RCAN2: variants seen among roughly 807,000 people sequenced by gnomAD.
The protein encoded by RCAN2 is calcipressin-2.
RCAN2 carries 9 observed loss-of-function variants against 23.6 expected under a neutral mutation model. The ratio of observed to expected loss-of-function variants is 0.38; its 90% CI spans 0.23 to 0.67. RCAN2 has a LOEUF of 0.67. Among genes scored for constraint, RCAN2 ranks in the 30% least tolerant of loss-of-function variants. RCAN2 has a pLI of 0.51. For synonymous variants in RCAN2, 109 were observed against 115.7 expected, an observed-to-expected ratio of 0.94 and a Z score of 0.37; for missense variants, 273 against 302.3, an observed-to-expected ratio of 0.90 and a Z score of 0.72.
chr6:46,299,614 C>G (rs776257089), intron 2 of RCAN2, among the ~76,000 whole-genome samples: 5 of 151,978 alleles, frequency 3.3e-5, no homozygotes, highest in Non-Finnish European at 5.9e-5. Context: ...AGATGAAAAC[C>G]TATCCTGTTA....
intron 2 of RCAN2, among the ~76,000 whole-genome samples, chr6:46,274,502 A>G (rs1016542920): frequency 6.6e-6 from 1 of 152,042 alleles, no homozygotes; most frequent in African/African-American, 2.4e-5. Flanking sequence ...ATAAGGTTGT[A>G]TGCTGATGTA....
At chr6:46,487,856 C>G (rs1582241399) in intron 1 of RCAN2, among the ~76,000 whole-genome samples, 1 of 152,186 alleles carries the variant, frequency 6.6e-6, no homozygotes, top group Non-Finnish European at 1.5e-5. Context: ...AGTGACCAGA[C>G]AGGTACGACC....
intron 2 of RCAN2, among the ~76,000 whole-genome samples, chr6:46,315,531 A>G (rs1763405524): frequency 6.6e-6 from 1 of 152,104 alleles, no homozygotes; most frequent in African/African-American, 2.4e-5. Flanking sequence ...GATGCTTGGT[A>G]CAGGCAGGAA....
intron 4 of RCAN2, among the ~76,000 whole-genome samples, chr6:46,246,459 C>T (rs1766516304): frequency 6.6e-6 from 1 of 152,112 alleles, no homozygotes; most frequent in East Asian, 1.9e-4. Context: ...GAGTTAAATC[C>T]CACAAGAATT....
intron 4 of RCAN2, among the ~76,000 whole-genome samples, chr6:46,226,231 G>C (rs375192357): frequency 2.6e-5 from 4 of 152,102 alleles, no homozygotes; most frequent in Admixed American, 6.5e-5. Context: ...ATGCCTCCAG[G>C]TTTGTTCTTT....
rs1477464212 is a variant in RCAN2 at position 46,273,123 on chromosome 6, A to G, written c.226-24227T>C. On this transcript the variant is annotated intron_variant, in intron 2 of 4. Coordinates refer to ENST00000371374, the MANE Select transcript of RCAN2 (RefSeq NM_001251974.2). ...CCAAAGCTGTGGTATTTTGAATTTC[A>G]GGAGTTGCGGTTCCAACATCTTGGA... 3.9e-5 allele frequency among the ~76,000 whole-genome samples: 6 copies of G among 152,316 alleles called. No homozygotes were observed. The South Asian group carries it at 1.0e-3, about 26-fold the overall frequency.
chr6:46,353,915 T>C (rs1582134549), intron 2 of RCAN2, among the ~76,000 whole-genome samples: 1 of 152,204 alleles, frequency 6.6e-6, no homozygotes, highest in Non-Finnish European at 1.5e-5. Flanking sequence ...AAATGACATT[T>C]TAAAACCCAT....
intron 2 of RCAN2, among the ~76,000 whole-genome samples, chr6:46,426,262 T>C (rs1158689295): frequency 3.3e-5 from 5 of 152,214 alleles, no homozygotes; most frequent in African/African-American, 1.2e-4. Context: ...ATTATTCTTT[T>C]ATTGCTATTT....
At chr6:46,462,279 T>A (rs868238166) in intron 1 of RCAN2, among the ~76,000 whole-genome samples, 4 of 152,166 alleles carry the variant, frequency 2.6e-5, no homozygotes, top group Non-Finnish European at 5.9e-5. Flanking sequence ...ACAAACAACC[T>A]TTTCCCCCCA....
chr6:46,329,450 T>C (rs963068997), intron 2 of RCAN2, among the ~76,000 whole-genome samples: 1 of 152,150 alleles, frequency 6.6e-6, no homozygotes, highest in Admixed American at 6.5e-5. Context: ...AAAGCAGAGA[T>C]TTTTGCCTAT....
intron 2 of RCAN2, among the ~76,000 whole-genome samples, chr6:46,258,175 C>T (rs769347190): frequency 1.3e-5 from 2 of 152,180 alleles, no homozygotes; most frequent in Admixed American, 6.5e-5. Flanking sequence ...AGGTTTATCA[C>T]TTCTCAGTGG....
At chr6:46,366,807 T>C (rs1765183659) in intron 2 of RCAN2, among the ~76,000 whole-genome samples, 1 of 151,410 alleles carries the variant, frequency 6.6e-6, no homozygotes, top group Admixed American at 6.6e-5. Flanking sequence ...TTGCCCATGG[T>C]ATATTCAAAG....
At chr6:46,478,994 A>G (rs1768784464) in intron 1 of RCAN2, among the ~76,000 whole-genome samples, 2 of 152,318 alleles carry the variant, frequency 1.3e-5, no homozygotes, top group African/African-American at 4.8e-5. Context: ...AAGCATCTTG[A>G]TAGACAGGGC....
intron 2 of RCAN2, among the ~76,000 whole-genome samples, chr6:46,359,780 T>C (rs1348299251): frequency 6.6e-6 from 1 of 152,186 alleles, no homozygotes; most frequent in Non-Finnish European, 1.5e-5. Flanking sequence ...TATCAATGAA[T>C]ATATCCTGTT....
intron 4 of RCAN2, among the ~76,000 whole-genome samples, chr6:46,227,854 T>C (rs1165573673): frequency 1.3e-5 from 2 of 152,240 alleles, no homozygotes; most frequent in Admixed American, 6.5e-5. Flanking sequence ...CTAATTCTTT[T>C]AATTGTGATG....
intron 2 of RCAN2, among the ~76,000 whole-genome samples, chr6:46,436,865 C>T (rs1767383766): frequency 6.6e-6 from 1 of 152,112 alleles, no homozygotes; most frequent in African/African-American, 2.4e-5. Context: ...GGGGATGAGG[C>T]TTGAGTTCTT....
chr6:46,313,173 A>C (rs1300496357), intron 2 of RCAN2, among the ~76,000 whole-genome samples: 1 of 152,012 alleles, frequency 6.6e-6, no homozygotes, highest in Non-Finnish European at 1.5e-5. Flanking sequence ...CTCATGGGTT[A>C]CCTCCTTGGG....
At chr6:46,228,728 C>G (rs1396062779) in intron 4 of RCAN2, among the ~76,000 whole-genome samples, 1 of 152,162 alleles carries the variant, frequency 6.6e-6, no homozygotes, top group African/African-American at 2.4e-5. Context: ...ACTCTTTATC[C>G]AATTTGCCAG....
intron 1 of RCAN2, among the ~76,000 whole-genome samples, chr6:46,475,254 C>T (rs1228239836): frequency 6.6e-6 from 1 of 152,154 alleles, no homozygotes; most frequent in Non-Finnish European, 1.5e-5. Context: ...ACAGCAGAAG[C>T]CATTGCTGTT....
Sources: gnomAD v4.1 joint callset for allele counts (sites outside exome capture counted in the v4.1 genomes callset) on GRCh38, gnomAD v4.1.1 for gene constraint, MANE v1.5 for transcripts, NCBI Gene and HGNC (gene_info 2026-07-23, HGNC 2026-07-21) for gene names.